ANO4: variants seen among roughly 807,000 people sequenced by gnomAD.
ANO4 encodes anoctamin-4.
Under a neutral mutation model 141.9 loss-of-function variants are expected in ANO4, and 69 were observed. The observed-to-expected ratio is 0.49, with a 90% confidence interval of 0.40 to 0.59. The LOEUF (loss-of-function observed/expected upper bound fraction) is 0.59, where lower values mean the gene tolerates loss of function less well. ANO4 is among the 20% of genes least tolerant of loss of function. The probability of loss-of-function intolerance (pLI) is 0.00; values close to 1 mark genes in which losing one functional copy is unlikely to be tolerated. For synonymous variants in ANO4, 350 were observed against 394.3 expected, an observed-to-expected ratio of 0.89 and a Z score of 1.33; for missense variants, 894 against 1,162.2, an observed-to-expected ratio of 0.77 and a Z score of 3.36.
intron 17 of ANO4, among the ~76,000 whole-genome samples, chr12:101,092,703 G>A (rs950026791): frequency 6.6e-6 from 1 of 152,082 alleles, no homozygotes; most frequent in African/African-American, 2.4e-5. Context: ...TTACTCATAT[G>A]TTGACTCTTA....
Position 100,942,423 on chromosome 12 carries a change from G to A in ANO4, c.344G>A (p.Gly115Glu). Reference protein sequence around the residue: ...NKSNGLYFRDGKCRIDYILVY... With the variant: ...NKSNGLYFRDEKCRIDYILVY... The stretch of plus-strand genomic sequence containing the variant: ...TCAAATGGACTTTACTTTCGAGATG[G>A]AAAGTGTCGAATTGACTACATCCTT... Residue 115 changes from glycine (G) to glutamate (E), a missense_variant, in exon 5 of 28, where the codon GGA becomes GAA. Physicochemically the swap from Gly to Glu is moderately conservative, Grantham distance 98. Coordinates refer to ENST00000392977, the MANE Select transcript of ANO4 (RefSeq NM_001286615.2). 1 of 1,614,010 alleles carries A rather than the reference G, an allele frequency of 6.2e-7. No homozygotes were observed. Among genetic ancestry groups the A allele is most frequent in the African/African-American group, 1.3e-5 (1 of 75,026 alleles).
intron 5 of ANO4, among the ~76,000 whole-genome samples, chr12:100,967,611 G>A (rs2043735969): frequency 6.7e-6 from 1 of 149,154 alleles, no homozygotes; most frequent in Non-Finnish European, 1.5e-5. Context: ...ACACACAGAG[G>A]ACTCATAGAT....
At chr12:101,035,826 G>A (rs1202494221) in intron 9 of ANO4, among the ~76,000 whole-genome samples, 3 of 152,122 alleles carry the variant, frequency 2.0e-5, no homozygotes, top group Non-Finnish European at 4.4e-5. Flanking sequence ...ACAAAGAAGG[G>A]AACAGGAGAC....
At position 101,068,997 on chromosome 12, in the gene ANO4, G is replaced by T; in HGVS notation, c.1313-10196G>T. Reference sequence around the variant, plus strand: ...ACTATGAAAAATCAAACAAAGCTCTGGATAAGGCCCAGTTTAAAGAGCAAA... The same window carrying T: ...ACTATGAAAAATCAAACAAAGCTCTTGATAAGGCCCAGTTTAAAGAGCAAA... On this transcript the variant is annotated intron_variant, in intron 14 of 27. Transcript: ENST00000392977. The T allele has an allele frequency of 5.1e-6, 4 of 788,760 alleles. No homozygotes were observed. In the East Asian group the frequency reaches 9.9e-5, roughly 19 times the overall value. The allele number at this position is 788,760 out of a possible 1,614,324, so 48.9% of individuals were successfully genotyped here. A position where few individuals can be genotyped will look rare whatever the true frequency, so the allele number is the denominator to read the frequency against.
At chr12:100,879,090 T>C (rs931729595) in intron 1 of ANO4, among the ~76,000 whole-genome samples, 1 of 151,960 alleles carries the variant, frequency 6.6e-6, no homozygotes, top group Admixed American at 6.6e-5. Flanking sequence ...AATAAAGGAA[T>C]GGACCCACAG....
At chr12:101,121,748 GTTTAC>G (rs2051101648) in intron 26 of ANO4, among the ~76,000 whole-genome samples, 3 of 95,744 alleles carry the variant, frequency 3.1e-5, no homozygotes, top group Non-Finnish European at 6.1e-5. Flanking sequence ...CTGTTAATTT[GTTTAC>G]TTTTTTTTTT....
intron 3 of ANO4, among the ~76,000 whole-genome samples, chr12:100,771,684 A>G (rs1227421371): frequency 6.6e-6 from 1 of 152,168 alleles, no homozygotes; most frequent in Non-Finnish European, 1.5e-5. Flanking sequence ...AATGGAGAAA[A>G]GCATCTTCAA....
intron 14 of ANO4, chr12:101,066,631 G>A (rs641776): frequency 0.26 from 139,710 of 540,300 alleles, 20,501 homozygotes; most frequent in East Asian, 0.55. Context: ...GCCCTGCTGG[G>A]AGAGTATCCA....
intron 10 of ANO4, among the ~76,000 whole-genome samples, chr12:101,037,740 C>T (rs938281487): frequency 1.8e-4 from 27 of 152,218 alleles, no homozygotes; most frequent in African/African-American, 6.3e-4. Context: ...AATTCCCCTA[C>T]ACCTGGGTTT....
intron 5 of ANO4, among the ~76,000 whole-genome samples, chr12:100,946,394 G>A (rs1333542756): frequency 6.6e-6 from 1 of 152,160 alleles, no homozygotes; most frequent in Non-Finnish European, 1.5e-5. Flanking sequence ...GAATAATTAG[G>A]AGATTCGTTG....
intron 1 of ANO4, among the ~76,000 whole-genome samples, chr12:100,837,361 G>A (rs907180297): frequency 3.9e-5 from 6 of 152,112 alleles, no homozygotes; most frequent in African/African-American, 1.4e-4. Context: ...GTTGTCCAAG[G>A]TCACACGGCT....
Position 100,937,910 on chromosome 12 carries a change from A to G in ANO4, c.161-1405A>G, listed in dbSNP as rs138693373. On this transcript the variant is annotated intron_variant, in intron 3 of 27. Transcript: ENST00000392977. ...CCTCCCTCTTCTTAAGACCCTTGTAATTACATCAGGCCTACCTATATACTC... is the reference window on the plus strand; with the variant it reads ...CCTCCCTCTTCTTAAGACCCTTGTAGTTACATCAGGCCTACCTATATACTC... Among the ~76,000 whole-genome samples the G allele has an allele frequency of 4.3e-3, 648 of 152,234 alleles. 4 individuals carry two copies. The highest frequency in any genetic ancestry group is 0.014 in the African/African-American group (589 of 41,530).
chr12:100,891,895 C>T (rs1216692138), intron 1 of ANO4, among the ~76,000 whole-genome samples: 1 of 152,122 alleles, frequency 6.6e-6, no homozygotes. Flanking sequence ...TATCCTTTGA[C>T]CAACATCTCC....
chr12:100,956,503 T>G (rs1781142877), intron 5 of ANO4, among the ~76,000 whole-genome samples: 1 of 152,206 alleles, frequency 6.6e-6, no homozygotes, highest in Admixed American at 6.5e-5. Flanking sequence ...CTTGTGCCCA[T>G]TAGAGTTTCA....
rs766954655 is a variant in ANO4, at chr12:101,086,836, G to A, written c.1701+12G>A. On this transcript the variant is annotated intron_variant, in intron 17 of 27. Coordinates refer to ENST00000392977, the MANE Select transcript of ANO4 (RefSeq NM_001286615.2). ...TGTTGCTGAATGTGGTAAGTGAGCT[G>A]CAGTGGCTAGCCAAACGGATCAAAA... 6.2e-7 allele frequency: 1 copy of A among 1,610,406 alleles called. No individual in the cohort carries two copies. The highest frequency in any genetic ancestry group is 1.3e-5 in the African/African-American group (1 of 74,966).
intron 1 of ANO4, among the ~76,000 whole-genome samples, chr12:100,858,179 A>G (rs930371506): frequency 2.6e-5 from 4 of 152,150 alleles, no homozygotes; most frequent in Non-Finnish European, 5.9e-5. Context: ...CTGTGGGTAC[A>G]TGAAAGACTG....
intron 7 of ANO4, among the ~76,000 whole-genome samples, chr12:100,986,919 A>T (rs2044731768): frequency 6.6e-6 from 1 of 152,182 alleles, no homozygotes; most frequent in Admixed American, 6.5e-5. Context: ...GCTTCATTAG[A>T]GTGACACATG....
intron 11 of ANO4, among the ~76,000 whole-genome samples, chr12:101,041,052 C>T (rs1286744406): frequency 6.6e-6 from 1 of 152,146 alleles, no homozygotes; most frequent in Admixed American, 6.6e-5. Flanking sequence ...TATTCTCTGA[C>T]ATCTCTATTT....
intron 1 of ANO4, among the ~76,000 whole-genome samples, chr12:100,897,558 A>G (rs2040407064): frequency 6.6e-6 from 1 of 152,228 alleles, no homozygotes; most frequent in Non-Finnish European, 1.5e-5. Flanking sequence ...TTCAGAGACG[A>G]AGAAGGAATC....
Sources: allele counts gnomAD v4.1 joint callset (sites outside exome capture counted in the v4.1 genomes callset), GRCh38; gene constraint gnomAD v4.1.1; transcripts MANE v1.5; gene names NCBI Gene and HGNC (gene_info 2026-07-23, HGNC 2026-07-21).